Variants in CNST observed in about 807,000 individuals in gnomAD.
CNST encodes the protein consortin.
In CNST, 39 loss-of-function variants were observed where a neutral mutation model predicts 72.4. That is an observed-to-expected ratio of 0.54 (90% CI 0.42 to 0.70). The LOEUF (loss-of-function observed/expected upper bound fraction) is 0.70, where lower values mean the gene tolerates loss of function less well. CNST is among the 30% of genes least tolerant of loss of function. The pLI is 0.00. For missense variants in CNST, 871 were observed against 868.5 expected (o/e 1.00, Z -0.04); for synonymous variants, 332 against 320.1 (o/e 1.04, Z -0.40).
At chr1:246,589,972 T>C (rs1661441391) in intron 1 of CNST, among the ~76,000 whole-genome samples, 1 of 152,236 alleles carries the variant, frequency 6.6e-6, no homozygotes, top group Non-Finnish European at 1.5e-5. Context: ...GTTTGTTTTT[T>C]TCTTGTAAAT....
At chr1:246,645,604 T>A (rs1666008880) in intron 8 of CNST, among the ~76,000 whole-genome samples, 1 of 151,502 alleles carries the variant, frequency 6.6e-6, no homozygotes, top group South Asian at 2.1e-4. Context: ...ATTTTTTGTG[T>A]TTTTAGTAGA....
At chr1:246,653,793 A>C (rs1666624854) in intron 9 of CNST, among the ~76,000 whole-genome samples, 4 of 152,148 alleles carry the variant, frequency 2.6e-5, no homozygotes, top group Admixed American at 2.6e-4. Flanking sequence ...TTACTTAATA[A>C]GTTTCCCTGT....
At chr1:246,641,249 TG>T (rs1665671708) in intron 6 of CNST, among the ~76,000 whole-genome samples, 2 of 152,248 alleles carry the variant, frequency 1.3e-5, no homozygotes, top group Non-Finnish European at 1.5e-5. Context: ...GTGAATATTA[TG>T]AATAAAGTGG....
chr1:246,661,832 A>G (rs921715463), intron 10 of CNST, among the ~76,000 whole-genome samples: 1 of 152,222 alleles, frequency 6.6e-6, no homozygotes, highest in Non-Finnish European at 1.5e-5. Context: ...CATTTTTACA[A>G]TTAGAAAGCT....
At chr1:246,604,758 T>C (rs1018416832) in intron 2 of CNST, among the ~76,000 whole-genome samples, 1 of 151,548 alleles carries the variant, frequency 6.6e-6, no homozygotes, top group African/African-American at 2.5e-5. Context: ...AACCTCTGCC[T>C]TCTGGGTTCA....
intron 1 of CNST, among the ~76,000 whole-genome samples, chr1:246,583,313 C>T (rs1660917749): frequency 6.6e-6 from 1 of 152,178 alleles, no homozygotes; most frequent in African/African-American, 2.4e-5. Flanking sequence ...TGGATATTCT[C>T]AAATATTCAC....
At chr1:246,649,971 A>G (rs560977179) in intron 9 of CNST, among the ~76,000 whole-genome samples, 1 of 151,882 alleles carries the variant, frequency 6.6e-6, no homozygotes, top group South Asian at 2.1e-4. Context: ...TTTCTCCTGT[A>G]TATTTCAGTC....
At chr1:246,650,010 C>T (rs1666363602) in intron 9 of CNST, among the ~76,000 whole-genome samples, 1 of 152,092 alleles carries the variant, frequency 6.6e-6, no homozygotes. Context: ...CCAAAGCCTA[C>T]AATTGATCAA....
chr1:246,616,599 G>C (rs988450936), intron 2 of CNST, among the ~76,000 whole-genome samples: 4 of 151,912 alleles, frequency 2.6e-5, no homozygotes, highest in Non-Finnish European at 5.9e-5. Context: ...TCTGTTGCCA[G>C]GCTGGAGTGC....
chr1:246,575,260 T>C (rs1660331615), intron 1 of CNST, among the ~76,000 whole-genome samples: 1 of 152,076 alleles, frequency 6.6e-6, no homozygotes, highest in African/African-American at 2.4e-5. Flanking sequence ...GACAAAAACG[T>C]GCACAAATGT....
chr1:246,623,088 G>A (rs973448474), intron 3 of CNST, among the ~76,000 whole-genome samples: 1 of 152,174 alleles, frequency 6.6e-6, no homozygotes, highest in African/African-American at 2.4e-5. Context: ...CTTCCAAAGT[G>A]CTAGGATTAA....
chr1:246,584,686 C>A (rs577076488), intron 1 of CNST, among the ~76,000 whole-genome samples: 6 of 152,076 alleles, frequency 3.9e-5, no homozygotes, highest in Admixed American at 6.6e-5. Flanking sequence ...TAGACCGTCC[C>A]GGCAGCCCTG....
chr1:246,607,970 G>C (rs1055575199), intron 2 of CNST: 1 of 151,960 alleles, frequency 6.6e-6, no homozygotes, highest in Non-Finnish European at 1.5e-5. Flanking sequence ...AGTCCCAGCT[G>C]CTCGGGAGGC....
chr1:246,604,493 T>C (rs1662554505), intron 2 of CNST, among the ~76,000 whole-genome samples: 1 of 152,160 alleles, frequency 6.6e-6, no homozygotes, highest in African/African-American at 2.4e-5. Flanking sequence ...TATGATTTCA[T>C]TAATTGCAAA....
intron 10 of CNST, among the ~76,000 whole-genome samples, chr1:246,661,123 C>G (rs900127347): frequency 1.3e-5 from 2 of 152,142 alleles, no homozygotes; most frequent in African/African-American, 2.4e-5. Context: ...GCACATGCCA[C>G]CACGCCCGGC....
intron 10 of CNST, among the ~76,000 whole-genome samples, chr1:246,661,160 G>A (rs1289264576): frequency 6.6e-6 from 1 of 151,368 alleles, no homozygotes; most frequent in African/African-American, 2.4e-5. Context: ...AGTGGAGACG[G>A]GGTTTCACCA....
chr1:246,615,181 T>A (rs1306669347), intron 2 of CNST, among the ~76,000 whole-genome samples: 2 of 151,382 alleles, frequency 1.3e-5, no homozygotes, highest in Non-Finnish European at 2.9e-5. Context: ...AAAAAAAAAA[T>A]TTTTTTTTCT....
intron 6 of CNST, 130 bp from the exon 7 acceptor site, chr1:246,641,619 A>T (rs1312761068): frequency 3.2e-6 from 2 of 626,556 alleles, no homozygotes; most frequent in Non-Finnish European, 2.8e-6. Flanking sequence ...TCAGCCGTGG[A>T]AATGTTCTGT....
rs892981219 is a variant in CNST, at chr1:246,651,169, G to T, written c.1836+3132G>T. ...TTATGCTTCCTTCCGTTTGTGATTA[G>T]AGGATATAGAACATGATCTCTTAAT... On this transcript the variant is annotated intron_variant, in intron 9 of 10. Transcript: ENST00000366513. Among the ~76,000 whole-genome samples, 3 of 152,166 alleles carry T rather than the reference G, an allele frequency of 2.0e-5. 1 individual carries two copies. Among genetic ancestry groups the T allele is most frequent in the African/African-American group, 7.2e-5 (3 of 41,526 alleles).
Sources: allele counts gnomAD v4.1 joint callset (sites outside exome capture counted in the v4.1 genomes callset), GRCh38; gene constraint gnomAD v4.1.1; transcripts MANE v1.5; gene names NCBI Gene and HGNC (gene_info 2026-07-23, HGNC 2026-07-21).